ST8SIA6: variants seen among roughly 807,000 people sequenced by gnomAD.
The protein encoded by ST8SIA6 is ST8 alpha-N-acetyl-neuraminide alpha-2,8-sialyltransferase 6.
In ST8SIA6, 39 loss-of-function variants were observed where a neutral mutation model predicts 33.6. The ratio of observed to expected loss-of-function variants is 1.16; its 90% CI spans 0.90 to 1.52. The LOEUF (loss-of-function observed/expected upper bound fraction) is 1.52, where lower values mean the gene tolerates loss of function less well. Among genes scored for constraint, ST8SIA6 ranks in the 40% most tolerant of loss-of-function variants. The pLI is 0.00. For synonymous variants in ST8SIA6, 172 were observed against 167.2 expected (o/e 1.03, Z -0.22); for missense variants, 441 against 443.8 (o/e 0.99, Z 0.06).
intron 6 of ST8SIA6, among the ~76,000 whole-genome samples, chr10:17,325,386 G>C (rs1848098438): frequency 6.8e-6 from 1 of 146,596 alleles, no homozygotes; most frequent in Non-Finnish European, 1.5e-5. Flanking sequence ...ATGTATTACA[G>C]TATACGACAG....
At chr10:17,384,891 A>G (rs1850277621) in intron 3 of ST8SIA6, among the ~76,000 whole-genome samples, 2 of 151,800 alleles carry the variant, frequency 1.3e-5, no homozygotes, top group Admixed American at 1.3e-4. Context: ...TTCTTTTCAC[A>G]GGACAGGAGA....
intron 2 of ST8SIA6, among the ~76,000 whole-genome samples, chr10:17,411,853 A>G (rs903577195): frequency 2.0e-5 from 3 of 152,092 alleles, no homozygotes; most frequent in Non-Finnish European, 4.4e-5. Flanking sequence ...ATGAGTTCTA[A>G]TGAGTTTTTA....
chr10:17,453,680 T>G (rs753535099), intron 1 of ST8SIA6, 23 bp from the exon 2 acceptor site: 1 of 1,290,204 alleles, frequency 7.8e-7, no homozygotes, highest in South Asian at 3.3e-5. Flanking sequence ...GGAGAAAACT[T>G]AAGTTGCTAC....
chr10:17,447,631 A>G (rs550680033), intron 2 of ST8SIA6, among the ~76,000 whole-genome samples: 1 of 152,298 alleles, frequency 6.6e-6, no homozygotes, highest in East Asian at 1.9e-4. Context: ...AAAATGATAA[A>G]TTCCAAGCAA....
chr10:17,454,520 T>C lies in ST8SIA6; in HGVS notation c.-265A>G, dbSNP rs1853051083. 6.6e-6 allele frequency among the ~76,000 whole-genome samples: 1 copy of C among 151,822 alleles called. No individual in the cohort carries two copies. Among genetic ancestry groups the C allele is most frequent in the Non-Finnish European group, 1.5e-5 (1 of 67,856 alleles). ...CCGCGATCGGCTGGCAGATGACGAT[T>C]CGCCGAGCTCGCCGCCTGTCCTCCC... On this transcript the variant is annotated 5_prime_UTR_variant, in exon 1 of 8. Transcript: ENST00000377602. This position sits in a 1 kb window ranked among gnomAD's most constrained non-coding sequence, Gnocchi z 4.1.
At chr10:17,441,066 T>G (rs546819332) in intron 2 of ST8SIA6, among the ~76,000 whole-genome samples, 277 of 152,312 alleles carry the variant, frequency 1.8e-3, no homozygotes, top group African/African-American at 6.2e-3. Context: ...TGTTTTTATA[T>G]TCTTAATGGT....
intron 3 of ST8SIA6, among the ~76,000 whole-genome samples, chr10:17,388,912 A>G (rs1010642470): frequency 1.2e-4 from 18 of 152,182 alleles, no homozygotes; most frequent in Admixed American, 1.0e-3. Flanking sequence ...GGGGTCATGC[A>G]GACTCTGGCT....
At chr10:17,334,007 C>T (rs1275424183) in intron 4 of ST8SIA6, among the ~76,000 whole-genome samples, 1 of 149,020 alleles carries the variant, frequency 6.7e-6, no homozygotes, top group African/African-American at 2.5e-5. Context: ...AGGCGTGAGC[C>T]ACTGCACCTG....
intron 4 of ST8SIA6, among the ~76,000 whole-genome samples, chr10:17,337,252 G>A (rs1848535600): frequency 6.6e-6 from 1 of 152,150 alleles, no homozygotes; most frequent in South Asian, 2.1e-4. Context: ...TGTGCAGCCT[G>A]CAGAGCCGTG....
intron 3 of ST8SIA6, among the ~76,000 whole-genome samples, chr10:17,390,155 T>G (rs1042877390): frequency 2.0e-5 from 3 of 152,032 alleles, no homozygotes; most frequent in African/African-American, 7.3e-5. Context: ...CAATTTTAAT[T>G]ATTTTTTGTA....
At chr10:17,349,618 A>G (rs980204611) in intron 4 of ST8SIA6, among the ~76,000 whole-genome samples, 1 of 152,254 alleles carries the variant, frequency 6.6e-6, no homozygotes, top group Non-Finnish European at 1.5e-5. Flanking sequence ...AACCAGCGGC[A>G]AAGGTAAAAT....
chr10:17,383,380 G>A (rs768017989), intron 3 of ST8SIA6, among the ~76,000 whole-genome samples: 13 of 152,020 alleles, frequency 8.6e-5, no homozygotes, highest in Non-Finnish European at 1.9e-4. Flanking sequence ...ATATAAAGTG[G>A]TATTTAGTTT....
chr10:17,329,400 A>C (rs747175077), intron 5 of ST8SIA6, among the ~76,000 whole-genome samples: 1 of 150,980 alleles, frequency 6.6e-6, no homozygotes, highest in Non-Finnish European at 1.5e-5. Flanking sequence ...ATGGATTAAA[A>C]TGATAACTTA....
At chr10:17,324,155 T>A (rs994105692) in intron 6 of ST8SIA6, among the ~76,000 whole-genome samples, 8 of 152,182 alleles carry the variant, frequency 5.3e-5, no homozygotes, top group Admixed American at 4.6e-4. Flanking sequence ...TTTCTAAATA[T>A]CATTTACTGA....
intron 2 of ST8SIA6, chr10:17,410,061 CAT>C (rs1467469343): frequency 1.3e-5 from 2 of 152,190 alleles, no homozygotes; most frequent in African/African-American, 2.4e-5. Flanking sequence ...TTGTCAGACA[CAT>C]GTGAGCAGTG....
chr10:17,379,303 G>C (rs1177283669), intron 3 of ST8SIA6, among the ~76,000 whole-genome samples: 2 of 143,356 alleles, frequency 1.4e-5, no homozygotes, highest in African/African-American at 5.6e-5. Flanking sequence ...GAGTGAAAGT[G>C]AGAGAGAAAG....
At chr10:17,407,383 T>C (rs150385316) in intron 2 of ST8SIA6, among the ~76,000 whole-genome samples, 38 of 152,154 alleles carry the variant, frequency 2.5e-4, no homozygotes, top group African/African-American at 8.2e-4. Context: ...GGGCCAAAAC[T>C]CCACCCTCAG....
intron 3 of ST8SIA6, among the ~76,000 whole-genome samples, chr10:17,384,405 C>T (rs78863861): frequency 0.027 from 4,123 of 152,280 alleles, 65 homozygotes; most frequent in South Asian, 0.06. Flanking sequence ...AATAATTATT[C>T]ATGCTGCACT....
At chr10:17,393,606 C>G (rs1044439375) in intron 2 of ST8SIA6, among the ~76,000 whole-genome samples, 2 of 152,054 alleles carry the variant, frequency 1.3e-5, no homozygotes, top group African/African-American at 4.8e-5. Flanking sequence ...GAGAGGAGAT[C>G]TGACACAGGT....
Sources: allele counts gnomAD v4.1 joint callset (sites outside exome capture counted in the v4.1 genomes callset), GRCh38; gene constraint gnomAD v4.1.1; non-coding constraint Gnocchi (gnomAD v3.1); transcripts MANE v1.5; gene names NCBI Gene and HGNC (gene_info 2026-07-23, HGNC 2026-07-21).